RBFOX1: variants seen among roughly 807,000 people sequenced by gnomAD.
The protein encoded by RBFOX1 is RNA binding fox-1 homolog 1.
A neutral mutation model predicts 57.7 loss-of-function variants in RBFOX1; 8 were observed. The observed-to-expected ratio is 0.14, with a 90% CI of 0.08 to 0.25. RBFOX1 has a LOEUF of 0.25. Ranked by LOEUF, RBFOX1 falls within the 10% of genes least tolerant of loss-of-function variation. The probability of loss-of-function intolerance (pLI) is 1.00; values close to 1 mark genes in which losing one functional copy is unlikely to be tolerated. For synonymous variants in RBFOX1, 326 were observed against 222.4 expected (o/e 1.47, Z -4.15); for missense variants, 611 against 548.5 (o/e 1.11, Z -1.14).
At chr16:6,633,353 C>T (rs1228185800) in intron 2 of RBFOX1, among the ~76,000 whole-genome samples, 1 of 152,236 alleles carries the variant, frequency 6.6e-6, no homozygotes, top group Non-Finnish European at 1.5e-5. Context: ...TCTTGGCTCA[C>T]TGCAACCTCC....
At chr16:5,742,550 G>A (rs1280556267) in intron 3 of RBFOX1, among the ~76,000 whole-genome samples, 1 of 152,158 alleles carries the variant, frequency 6.6e-6, no homozygotes, top group African/African-American at 2.4e-5. Context: ...ATCCTCCGGT[G>A]CCATAAGAAC....
intron 4 of RBFOX1, among the ~76,000 whole-genome samples, chr16:6,009,408 A>G (rs769404834): frequency 1.2e-4 from 19 of 152,276 alleles, no homozygotes; most frequent in Non-Finnish European, 2.5e-4. Context: ...AGAATTTCTG[A>G]TGCCTAATTT....
At chr16:6,232,034 C>G (rs541577149) in intron 1 of RBFOX1, among the ~76,000 whole-genome samples, 4 of 152,132 alleles carry the variant, frequency 2.6e-5, no homozygotes, top group Admixed American at 6.5e-5. Context: ...TATACAAAGA[C>G]CAATATTTCC....
intron 3 of RBFOX1, among the ~76,000 whole-genome samples, chr16:5,721,473 A>C (rs569976020): frequency 1.3e-5 from 2 of 151,972 alleles, no homozygotes; most frequent in Non-Finnish European, 2.9e-5. Context: ...TTCTTGCCCA[A>C]TTGCCCTGGC....
At chr16:7,251,069 A>G (rs974644724) in intron 4 of RBFOX1, among the ~76,000 whole-genome samples, 1 of 152,180 alleles carries the variant, frequency 6.6e-6, no homozygotes, top group African/African-American at 2.4e-5. Flanking sequence ...ACATGTCATT[A>G]ACTATAGTCA....
At chr16:6,423,315 C>T (rs2093828460) in intron 2 of RBFOX1, among the ~76,000 whole-genome samples, 1 of 152,138 alleles carries the variant, frequency 6.6e-6, no homozygotes, top group Non-Finnish European at 1.5e-5. Flanking sequence ...GCACGTCTTC[C>T]TGACCAGGCG....
chr16:7,294,138 G>C (rs766696705), intron 4 of RBFOX1, among the ~76,000 whole-genome samples: 1 of 152,154 alleles, frequency 6.6e-6, no homozygotes, highest in Non-Finnish European at 1.5e-5. Flanking sequence ...AACACAGAGA[G>C]TGGGTGGGGT....
At chr16:6,029,704 C>T (rs75147053) in intron 1 of RBFOX1, among the ~76,000 whole-genome samples, 45 of 133,532 alleles carry the variant, frequency 3.4e-4, no homozygotes, top group Non-Finnish European at 6.3e-4. Context: ...ACATGGGGAG[C>T]GGAGTTTGCA....
intron 3 of RBFOX1, among the ~76,000 whole-genome samples, chr16:5,841,913 T>G (rs758923035): frequency 2.6e-5 from 4 of 152,200 alleles, no homozygotes; most frequent in Non-Finnish European, 4.4e-5. Flanking sequence ...CAAGTCTGAT[T>G]TGAAATTAAA....
At chr16:5,948,066 G>T (rs1270472418) in intron 4 of RBFOX1, among the ~76,000 whole-genome samples, 1 of 152,182 alleles carries the variant, frequency 6.6e-6, no homozygotes, top group Non-Finnish European at 1.5e-5. Flanking sequence ...AGGTGCACAA[G>T]GGTGGTGGGC....
At chr16:7,061,995 T>G (rs552887934) in intron 4 of RBFOX1, among the ~76,000 whole-genome samples, 1 of 152,154 alleles carries the variant, frequency 6.6e-6, no homozygotes, top group East Asian at 1.9e-4. Context: ...TTCCTGATGA[T>G]GCAGACAAAC....
chr16:5,445,033 T>C (rs1350588922), intron 1 of RBFOX1, among the ~76,000 whole-genome samples: 1 of 152,128 alleles, frequency 6.6e-6, no homozygotes, highest in Non-Finnish European at 1.5e-5. Flanking sequence ...TGGTGGGCTT[T>C]AACAGGAGGG....
intron 1 of RBFOX1, chr16:5,270,472 C>G: frequency 1.3e-6 from 1 of 746,864 alleles, no homozygotes; most frequent in South Asian, 1.4e-5. Context: ...TGACTAACTT[C>G]TATGGCATGG....
rs143380402 is a variant in RBFOX1, at chr16:6,217,424, T to C, written c.-126-99571T>C. ...ATCTCTCAGAATTGAGAAAACGTGATAATCAAACATTTCAGTATTATCGGG... is the reference window on the plus strand; with the variant it reads ...ATCTCTCAGAATTGAGAAAACGTGACAATCAAACATTTCAGTATTATCGGG... On this transcript the variant is annotated intron_variant, in intron 1 of 15. Transcript: ENST00000550418. 7.0e-3 allele frequency among the ~76,000 whole-genome samples: 1,060 copies of C among 152,224 alleles called. 8 individuals carry two copies. Among genetic ancestry groups the C allele is most frequent in the African/African-American group, 0.024 (1,008 of 41,544 alleles).
chr16:7,663,995 G>T (rs1254194660), intron 12 of RBFOX1, among the ~76,000 whole-genome samples: 1 of 152,118 alleles, frequency 6.6e-6, no homozygotes, highest in Non-Finnish European at 1.5e-5. Context: ...TTCTTTCTGG[G>T]ATGGTCACTA....
intron 3 of RBFOX1, among the ~76,000 whole-genome samples, chr16:6,837,862 C>G (rs2093211352): frequency 1.3e-5 from 2 of 152,072 alleles, no homozygotes; most frequent in South Asian, 4.2e-4. Flanking sequence ...CTGGCGGAAA[C>G]TGAGAAGAGG....
At chr16:7,431,128 G>A (rs2098675526) in intron 4 of RBFOX1, 2 of 152,092 alleles carry the variant, frequency 1.3e-5, no homozygotes, top group South Asian at 4.2e-4. Flanking sequence ...TATCTACTGT[G>A]TGCCATGCAC....
chr16:6,063,490 CA>C (rs2095715514), intron 1 of RBFOX1, among the ~76,000 whole-genome samples: 3 of 107,774 alleles, frequency 2.8e-5, no homozygotes, highest in Admixed American at 2.0e-4. Context: ...CACACACACA[CA>C]CACACACACA....
chr16:6,544,367 C>A (rs1320363870), intron 2 of RBFOX1, among the ~76,000 whole-genome samples: 1 of 152,182 alleles, frequency 6.6e-6, no homozygotes, highest in Non-Finnish European at 1.5e-5. Context: ...CTTTTCCCCT[C>A]TTGCAATCTG....
Sources: gnomAD v4.1 joint callset for allele counts (sites outside exome capture counted in the v4.1 genomes callset) on GRCh38, gnomAD v4.1.1 for gene constraint, MANE v1.5 for transcripts, NCBI Gene and HGNC (gene_info 2026-07-23, HGNC 2026-07-21) for gene names.